Variants in CCPG1 observed in about 807,000 individuals in gnomAD.
The protein encoded by CCPG1 is cell cycle progression protein 1.
A neutral mutation model predicts 81.3 loss-of-function variants in CCPG1; 46 were observed. The observed-to-expected ratio is 0.57, with a 90% CI of 0.45 to 0.72. The LOEUF (loss-of-function observed/expected upper bound fraction) is 0.72, where lower values mean the gene tolerates loss of function less well. Among genes scored for constraint, CCPG1 ranks in the 30% least tolerant of loss-of-function variants. The probability of loss-of-function intolerance (pLI) is 0.00; values close to 1 mark genes in which losing one functional copy is unlikely to be tolerated. For synonymous variants in CCPG1, 330 were observed against 305.2 expected, an observed-to-expected ratio of 1.08 and a Z score of -0.85; for missense variants, 902 against 937.6, an observed-to-expected ratio of 0.96 and a Z score of 0.50.
intron 5 of CCPG1, among the ~76,000 whole-genome samples, chr15:55,374,541 A>G (rs886140409): frequency 6.6e-5 from 10 of 152,204 alleles, no homozygotes; most frequent in African/African-American, 2.4e-4. Flanking sequence ...TTGAAGTTGA[A>G]ATCCTTAAGG....
At chr15:55,389,521 G>T in intron 1 of CCPG1, 88 bp from the exon 2 acceptor site, 2 of 882,144 alleles carry the variant, frequency 2.3e-6, no homozygotes, top group South Asian at 2.8e-5. Context: ...TTTGAAAAGT[G>T]GTTTACTGTC....
At chr15:55,390,173 C>T (rs1418826623) in intron 1 of CCPG1, among the ~76,000 whole-genome samples, 1 of 152,162 alleles carries the variant, frequency 6.6e-6, no homozygotes, top group Non-Finnish European at 1.5e-5. Context: ...CCGCCTGCCT[C>T]AGCCTCCCAA....
chr15:55,379,810 G>A (rs561777341), intron 3 of CCPG1, among the ~76,000 whole-genome samples: 1 of 152,036 alleles, frequency 6.6e-6, no homozygotes, highest in South Asian at 2.1e-4. Context: ...ATGAAAAAGA[G>A]CATAAAGGCC....
At chr15:55,370,921 G>A (rs936783508) in intron 6 of CCPG1, among the ~76,000 whole-genome samples, 38 of 148,958 alleles carry the variant, frequency 2.6e-4, no homozygotes, top group African/African-American at 9.0e-4. Context: ...GACCAGCCTG[G>A]CCAACATGGC....
intron 1 of CCPG1, among the ~76,000 whole-genome samples, chr15:55,406,855 T>C (rs1368798666): frequency 6.6e-6 from 1 of 152,180 alleles, no homozygotes; most frequent in Admixed American, 6.5e-5. Context: ...ACCTTTAAAT[T>C]GTATTTGGGC....
chr15:55,359,803 C>G lies in CCPG1; in HGVS notation c.1970G>C (p.Arg657Thr). 1 of 1,613,226 alleles carries G rather than the reference C, an allele frequency of 6.2e-7. No homozygotes were observed. Among genetic ancestry groups the G allele is most frequent in the Non-Finnish European group, 8.5e-7 (1 of 1,179,816 alleles). Residue 657 changes from arginine (R) to threonine (T), a missense_variant, in exon 8 of 9, where the codon AGA becomes ACA. By Grantham distance (71) the Arg-to-Thr change is moderately conservative. Coordinates refer to ENST00000442196, the MANE Select transcript of CCPG1 (RefSeq NM_001204450.2). ...TAACATGTACCTTTGAATTATCTGTCTAAATTCATCCATCCTTATAGGATT... is the reference window on the plus strand; with the variant it reads ...TAACATGTACCTTTGAATTATCTGTGTAAATTCATCCATCCTTATAGGATT... ...VVNPIRMDEF[R>T]QIIQRYMLKE...
intron 1 of CCPG1, among the ~76,000 whole-genome samples, chr15:55,394,407 T>G (rs1243524885): frequency 6.6e-6 from 1 of 152,148 alleles, no homozygotes; most frequent in Non-Finnish European, 1.5e-5. Flanking sequence ...AAACAAGAAG[T>G]AGGTGAGGGC....
intron 1 of CCPG1, among the ~76,000 whole-genome samples, chr15:55,397,339 G>A (rs1458461998): frequency 6.6e-6 from 1 of 152,138 alleles, no homozygotes; most frequent in Non-Finnish European, 1.5e-5. Context: ...TACACTCTGA[G>A]AACTAAAAGT....
rs1266262509 is a variant in CCPG1, at chr15:55,380,534, A to C, written c.176-2158T>G. 2.0e-5 allele frequency among the ~76,000 whole-genome samples: 3 copies of C among 151,670 alleles called. No homozygotes were observed. In the South Asian group the frequency reaches 6.3e-4, roughly 32 times the overall value. The stretch of plus-strand genomic sequence containing the variant: ...ATGGTCTTGATCTCCTGACCCCGTA[A>C]GCCGCCCGCCTCGGCCACCCAAAGT... On this transcript the variant is annotated intron_variant, in intron 3 of 8. Transcript: ENST00000442196.
intron 6 of CCPG1, among the ~76,000 whole-genome samples, chr15:55,370,159 C>T (rs988334431): frequency 6.6e-6 from 1 of 152,192 alleles, no homozygotes; most frequent in Non-Finnish European, 1.5e-5. Flanking sequence ...CAAGCTCTGA[C>T]TTTAAACAGG....
At chr15:55,357,481 TTC>T in intron 8 of CCPG1, 1 of 969,508 alleles carries the variant, frequency 1.0e-6, no homozygotes, top group Non-Finnish European at 1.2e-6. Flanking sequence ...CGGCTTTACT[TTC>T]TGTGATTGAG....
chr15:55,376,150 T>G (rs1188311294), intron 5 of CCPG1, among the ~76,000 whole-genome samples: 1 of 152,210 alleles, frequency 6.6e-6, no homozygotes, highest in African/African-American at 2.4e-5. Context: ...AATTAGGAAA[T>G]TTTTAGAATC....
At chr15:55,379,161 C>CATGTGTGTGTGTGTGT (rs146009067) in intron 3 of CCPG1, among the ~76,000 whole-genome samples, 1 of 134,682 alleles carries the variant, frequency 7.4e-6, no homozygotes, top group Non-Finnish European at 1.6e-5. Context: ...TGTATATGTA[C>CATGTGTGTGTGTGTGT]GTGTGTGTGT....
chr15:55,367,409 T>C (rs2056352662), intron 6 of CCPG1, among the ~76,000 whole-genome samples: 1 of 152,184 alleles, frequency 6.6e-6, no homozygotes, highest in African/African-American at 2.4e-5. Context: ...TTGGGGGTTT[T>C]TCCTGCACCT....
At chr15:55,358,244 T>A in intron 8 of CCPG1, 1 of 383,974 alleles carries the variant, frequency 2.6e-6, no homozygotes, top group Non-Finnish European at 3.6e-6. Context: ...AACCTATGTG[T>A]GAGATTGTAA....
rs373917631 is a variant in CCPG1, at chr15:55,389,068, C to CAAAAAA, written c.60+291_60+296dup. Among the ~76,000 whole-genome samples the CAAAAAA allele has an allele frequency of 6.3e-3, 356 of 56,232 alleles. 38 individuals are homozygous for CAAAAAA. Among genetic ancestry groups the CAAAAAA allele is most frequent in the South Asian group, 0.025 (32 of 1,256 alleles). 36.9% of individuals were successfully genotyped at this position (56,232 alleles called of 152,430 possible). A position where few individuals can be genotyped will look rare whatever the true frequency, so the allele number is the denominator to read the frequency against. Reference sequence around the variant, plus strand: ...TGGGCAACAGAGTGAGACTCTGTCTCAAAAAAAAAAAAAAAAAAAAAGACA... The same window carrying CAAAAAA: ...TGGGCAACAGAGTGAGACTCTGTCTCAAAAAAAAAAAAAAAAAAAAAAAAAAAGACA... On this transcript the variant is annotated intron_variant, in intron 2 of 8. Transcript: ENST00000442196.
intron 3 of CCPG1, among the ~76,000 whole-genome samples, chr15:55,381,663 G>A (rs1235317458): frequency 6.6e-6 from 1 of 152,102 alleles, no homozygotes; most frequent in African/African-American, 2.4e-5. Context: ...TTTCTCCTGA[G>A]GGGAAATGTT....
In CCPG1 at chr15:55,371,978, G is replaced by A. The variant is rs2056458843; in HGVS notation, c.521C>T (p.Ala174Val). The A allele has an allele frequency of 5.0e-6, 8 of 1,614,044 alleles. No individual in the cohort carries two copies. Among genetic ancestry groups the A allele is most frequent in the Non-Finnish European group, 6.8e-6 (8 of 1,179,928 alleles). Reference sequence around the variant, plus strand: ...CTTCCTAGCACGGCGTCGTCTAAAGGCAGGACTGGGCTGATTACTGGTTTC... The same window carrying A: ...CTTCCTAGCACGGCGTCGTCTAAAGACAGGACTGGGCTGATTACTGGTTTC... ...SDETSNQPSP[A>V]FRRRRARKKT... Residue 174 changes from alanine (A) to valine (V), a missense_variant, in exon 6 of 9, where the codon GCC becomes GTC. This residue lies in a region of CCPG1 where 746 missense variants were observed against 728.6 expected (regional missense o/e 1.02). Transcript: ENST00000442196.
chr15:55,381,966 CTAT>C (rs2056707096), intron 3 of CCPG1, among the ~76,000 whole-genome samples: 1 of 152,216 alleles, frequency 6.6e-6, no homozygotes, highest in South Asian at 2.1e-4. Context: ...ATGCTGTAAT[CTAT>C]TAAGTGTGCA....
Sources: allele counts gnomAD v4.1 joint callset (sites outside exome capture counted in the v4.1 genomes callset), GRCh38; gene constraint gnomAD v4.1.1; regional missense constraint gnomAD v4.1.1; transcripts MANE v1.5; gene names NCBI Gene and HGNC (gene_info 2026-07-23, HGNC 2026-07-21).